The following RP1 variants were observed in gnomAD, a reference collection of about 807,000 sequenced individuals.
RP1 encodes oxygen-regulated protein 1.
A neutral mutation model predicts 14.8 loss-of-function variants in RP1; 16 were observed. The observed-to-expected ratio is 1.08, with a 90% CI of 0.73 to 1.65. The LOEUF is 1.65. Among genes scored for constraint, RP1 ranks in the 40% most tolerant of loss-of-function variants. RP1 has a pLI of 0.00. For synonymous variants in RP1, 876 were observed against 883.6 expected (o/e 0.99, Z 0.15); for missense variants, 2,631 against 2,535.0 (o/e 1.04, Z -0.81).
At chr8:54,624,443 C>CAA (rs11332494) in intron 3 of RP1, among the ~76,000 whole-genome samples, 141 of 56,528 alleles carry the variant, frequency 2.5e-3, no homozygotes, top group African/African-American at 3.4e-3. Context: ...GACTCTGTCT[C>CAA]AAAAAAAAAA....
chr8:54,585,592 T>C (rs1804901820), intron 1 of RP1, among the ~76,000 whole-genome samples: 1 of 152,244 alleles, frequency 6.6e-6, no homozygotes. Context: ...TGCAGAGTGT[T>C]TTCCAACTTG....
At chr8:54,696,807 A>T in intron 12 of RP1, 1 of 731,260 alleles carries the variant, frequency 1.4e-6, no homozygotes, top group South Asian at 1.4e-5. Flanking sequence ...GTGGAACGTT[A>T]TGTGACCTGC....
chr8:54,601,261 C>A (rs945234044), intron 1 of RP1, among the ~76,000 whole-genome samples: 2 of 151,990 alleles, frequency 1.3e-5, no homozygotes, highest in Non-Finnish European at 2.9e-5. Context: ...AAAAAGAAAA[C>A]CTAAAATATT....
intron 17 of RP1, chr8:54,734,484 A>G (rs990957142): frequency 1.4e-6 from 2 of 1,451,796 alleles, no homozygotes; most frequent in African/African-American, 1.4e-5. Context: ...CCAGTGTGAC[A>G]AAGGATTCTG....
chr8:54,833,365 C>T (rs777041656), intron 24 of RP1, among the ~76,000 whole-genome samples: 1 of 151,772 alleles, frequency 6.6e-6, no homozygotes, highest in African/African-American at 2.4e-5. Context: ...AGGTCAAATC[C>T]CTGGCTTCTC....
chr8:54,817,871 T>C (rs1355133284), intron 24 of RP1, among the ~76,000 whole-genome samples: 2 of 152,204 alleles, frequency 1.3e-5, no homozygotes, highest in African/African-American at 4.8e-5. Context: ...TATTGCAAAG[T>C]TCCACTAGCA....
intron 1 of RP1, among the ~76,000 whole-genome samples, chr8:54,577,586 CAT>C (rs980602055): frequency 1.3e-5 from 2 of 152,156 alleles, no homozygotes; most frequent in African/African-American, 2.4e-5. Flanking sequence ...GAAGCAGTCA[CAT>C]GTGTTGTGAA....
exon 21 of RP1, chr8:54,755,660 C>T (rs759081424): frequency 1.0e-4 from 156 of 1,535,890 alleles, no homozygotes; most frequent in Middle Eastern, 1.7e-4. Flanking sequence ...GCAGCTGAAG[C>T]ATGCAGAGAC....
chr8:54,568,922 C>T (rs1485578946), intron 1 of RP1, among the ~76,000 whole-genome samples: 1 of 152,224 alleles, frequency 6.6e-6, no homozygotes, highest in Non-Finnish European at 1.5e-5. Flanking sequence ...TTTAACATTG[C>T]TAAGCCTCAG....
intron 19 of RP1, among the ~76,000 whole-genome samples, chr8:54,741,222 T>C (rs554156287): frequency 6.6e-6 from 1 of 152,250 alleles, no homozygotes; most frequent in Admixed American, 6.5e-5. Flanking sequence ...GTAGCCTAAG[T>C]ATACATTGTT....
intron 7 of RP1, among the ~76,000 whole-genome samples, chr8:54,664,403 A>G (rs1216025826): frequency 6.6e-6 from 1 of 152,066 alleles, no homozygotes; most frequent in Admixed American, 6.6e-5. Context: ...ATTGTTTTTG[A>G]GACATATTTA....
At chr8:54,824,862 A>G (rs75166194) in intron 24 of RP1, among the ~76,000 whole-genome samples, 47,749 of 151,888 alleles carry the variant, frequency 0.31, 7,625 homozygotes, top group South Asian at 0.37. Context: ...AAAATTCAAC[A>G]CCCATTCATA....
chr8:54,834,836 G>A (rs1288048362), intron 24 of RP1, among the ~76,000 whole-genome samples: 1 of 152,070 alleles, frequency 6.6e-6, no homozygotes, highest in Admixed American at 6.5e-5. Flanking sequence ...TATGTAAAAT[G>A]AACTGTCCTA....
intron 15 of RP1, among the ~76,000 whole-genome samples, chr8:54,715,854 C>G (rs1185983773): frequency 6.6e-6 from 1 of 152,186 alleles, no homozygotes; most frequent in Non-Finnish European, 1.5e-5. Context: ...GCTCCCTGCT[C>G]TCAGGAAACT....
chr8:54,641,336 A>G (rs933794747), intron 3 of RP1, among the ~76,000 whole-genome samples: 1 of 152,178 alleles, frequency 6.6e-6, no homozygotes, highest in African/African-American at 2.4e-5. Flanking sequence ...ATTGTTATGT[A>G]TATGAATTGC....
At chr8:54,733,111 T>C (rs1265114492) in intron 17 of RP1, among the ~76,000 whole-genome samples, 4 of 152,212 alleles carry the variant, frequency 2.6e-5, no homozygotes, top group Non-Finnish European at 4.4e-5. Context: ...TGGTGAATTA[T>C]GTTTAGGTGA....
chr8:54,584,737 T>TC (rs1326017584), intron 1 of RP1, among the ~76,000 whole-genome samples: 44 of 152,116 alleles, frequency 2.9e-4, no homozygotes, highest in African/African-American at 9.2e-4. Flanking sequence ...GTTGAATTGA[T>TC]CCTTTACCAT....
chr8:54,571,097 T>C (rs1021547822), intron 1 of RP1, among the ~76,000 whole-genome samples: 10 of 152,154 alleles, frequency 6.6e-5, no homozygotes, highest in Admixed American at 4.6e-4. Context: ...GCCCCTTCCC[T>C]TAGAGAAAGG....
chr8:54,718,495 G>T (rs1808459357), intron 15 of RP1, among the ~76,000 whole-genome samples: 1 of 152,156 alleles, frequency 6.6e-6, no homozygotes, highest in East Asian at 1.9e-4. Flanking sequence ...AATGGTACTG[G>T]AACAATTGGA....
Sources: gnomAD v4.1 joint callset for allele counts (sites outside exome capture counted in the v4.1 genomes callset) on GRCh38, gnomAD v4.1.1 for gene constraint, MANE v1.5 for transcripts, NCBI Gene and HGNC (gene_info 2026-07-23, HGNC 2026-07-21) for gene names.